Variants in LRBA observed in about 807,000 individuals in gnomAD.
The protein encoded by LRBA is LPS responsive beige-like anchor protein.
A neutral mutation model predicts 330.0 loss-of-function variants in LRBA; 176 were observed. The observed-to-expected ratio is 0.53, with a 90% confidence interval of 0.47 to 0.60. LRBA has a LOEUF of 0.60. LRBA is among the 20% of genes least tolerant of loss of function. LRBA has a pLI of 0.00. For missense variants in LRBA, 3,259 were observed against 3,444.8 expected, an observed-to-expected ratio of 0.95 and a Z score of 1.35; for synonymous variants, 1,230 against 1,193.0, an observed-to-expected ratio of 1.03 and a Z score of -0.64.
intron 35 of LRBA, among the ~76,000 whole-genome samples, chr4:150,739,732 T>C (rs1033256235): frequency 2.6e-5 from 4 of 152,210 alleles, no homozygotes; most frequent in Non-Finnish European, 4.4e-5. Context: ...AGCTGCCCTG[T>C]GTAAAGGCCT....
chr4:150,552,896 C>T (rs1342698278), intron 40 of LRBA, among the ~76,000 whole-genome samples: 4 of 151,590 alleles, frequency 2.6e-5, no homozygotes, highest in East Asian at 2.0e-4. Flanking sequence ...GGTGAAACCC[C>T]GTCTCTACTA....
chr4:150,478,053 G>A (rs1451534423), intron 42 of LRBA, among the ~76,000 whole-genome samples: 1 of 152,138 alleles, frequency 6.6e-6, no homozygotes, highest in East Asian at 1.9e-4. Context: ...GGGCAGGGAT[G>A]TCCTGTTTCC....
At chr4:150,696,844 C>CA (rs35188689) in intron 36 of LRBA, among the ~76,000 whole-genome samples, 96,396 of 137,742 alleles carry the variant, frequency 0.7, 37,841 homozygotes, top group Non-Finnish European at 0.89. Flanking sequence ...CCCATCTCCA[C>CA]AAAAAAAAAA....
chr4:150,534,384 TTA>T (rs1224544527), intron 40 of LRBA, among the ~76,000 whole-genome samples: 12 of 149,164 alleles, frequency 8.0e-5, no homozygotes, highest in Admixed American at 1.3e-4. Context: ...ATAATTTTTT[TTA>T]AAAAAACACT....
rs1316649012 is a variant in LRBA, at chr4:150,788,850, G to A, written c.5580+9231C>T. On this transcript the variant is annotated intron_variant, in intron 34 of 56. Coordinates refer to ENST00000651943, the MANE Select transcript of LRBA (RefSeq NM_001364905.1). ...AGCACATTGGGAGGCTGAGGCCAGT[G>A]GATCACCTGAGGTCAAGAGTTCGAG... 2.0e-5 allele frequency among the ~76,000 whole-genome samples: 3 copies of A among 148,754 alleles called. No homozygotes were observed. In the East Asian group the frequency reaches 6.1e-4, roughly 30 times the overall value.
rs543777127 is a variant in LRBA, at chr4:150,595,760, C to A, written c.6046+3247G>T. On this transcript the variant is annotated intron_variant, in intron 38 of 56. Transcript: ENST00000651943. ...AGTCCTTTATCTACCAAAAATTATA[C>A]TGGCCCTTTGTTTCCTCAGTTTCCT... Among the ~76,000 whole-genome samples the A allele has an allele frequency of 2.2e-4, 34 of 152,016 alleles. No homozygotes were observed. In the South Asian group the frequency reaches 3.3e-3, roughly 15 times the overall value.
chr4:150,654,667 A>G (rs535771904), intron 37 of LRBA, among the ~76,000 whole-genome samples: 7 of 152,246 alleles, frequency 4.6e-5, no homozygotes, highest in African/African-American at 1.7e-4. Flanking sequence ...AACATTAGGT[A>G]TATCTCCTAA....
intron 40 of LRBA, among the ~76,000 whole-genome samples, chr4:150,548,620 T>C (rs1766162541): frequency 6.6e-6 from 1 of 152,134 alleles, no homozygotes. Flanking sequence ...AATGGTGCTG[T>C]TAAAAACAGA....
chr4:150,329,069 C>CT (rs1733665800), intron 48 of LRBA, among the ~76,000 whole-genome samples: 1 of 152,086 alleles, frequency 6.6e-6, no homozygotes, highest in Non-Finnish European at 1.5e-5. Context: ...GAGGAAAAGG[C>CT]TTTTTTAAAT....
At chr4:150,383,678 G>A (rs1300391392) in intron 47 of LRBA, among the ~76,000 whole-genome samples, 1 of 152,188 alleles carries the variant, frequency 6.6e-6, no homozygotes, top group Non-Finnish European at 1.5e-5. Context: ...TCAGGGAAAT[G>A]TATATGAATA....
intron 5 of LRBA, among the ~76,000 whole-genome samples, chr4:150,917,631 T>C (rs1732777896): frequency 6.6e-6 from 1 of 152,086 alleles, no homozygotes; most frequent in Admixed American, 6.6e-5. Flanking sequence ...CAAAACAATC[T>C]TTTAAAAAGA....
chr4:150,359,109 T>C (rs1236497422), intron 47 of LRBA, among the ~76,000 whole-genome samples: 1 of 152,234 alleles, frequency 6.6e-6, no homozygotes, highest in Non-Finnish European at 1.5e-5. Context: ...AAGCATTAAG[T>C]TCTGCCAGAG....
At chr4:150,828,080 T>C (rs988691294) in intron 30 of LRBA, 100 bp downstream of exon 30, 65 of 1,009,874 alleles carry the variant, frequency 6.4e-5, no homozygotes, top group Non-Finnish European at 8.3e-5. Flanking sequence ...AAAAGTTATA[T>C]GTGGATTTTC....
At chr4:150,771,044 G>A (rs924956480) in intron 34 of LRBA, among the ~76,000 whole-genome samples, 2 of 152,196 alleles carry the variant, frequency 1.3e-5, no homozygotes, top group Admixed American at 6.5e-5. Flanking sequence ...AGCCCAAAGT[G>A]GCTGGGAAGC....
chr4:150,391,756 GT>G (rs1193746483), intron 47 of LRBA, among the ~76,000 whole-genome samples: 1 of 152,046 alleles, frequency 6.6e-6, no homozygotes, highest in African/African-American at 2.4e-5. Flanking sequence ...GCCAGGTAAT[GT>G]GCTAGGTGCT....
At chr4:150,621,000 G>T (rs1308399374) in intron 37 of LRBA, among the ~76,000 whole-genome samples, 4 of 151,764 alleles carry the variant, frequency 2.6e-5, no homozygotes, top group African/African-American at 4.8e-5. Flanking sequence ...TTTTTTTGGA[G>T]AAATTTAATT....
rs113881949 is a variant in LRBA at position 150,591,377 on chromosome 4, C to A, written c.6047-518G>T. ...GAGGATTTAGGCCCAGATACTGAAG[C>A]CATATCTGACACTAATAAGACTACA... On this transcript the variant is annotated intron_variant, in intron 38 of 56. Coordinates refer to ENST00000651943, the MANE Select transcript of LRBA (RefSeq NM_001364905.1). Among the ~76,000 whole-genome samples the A allele has an allele frequency of 1.2e-3, 187 of 152,234 alleles. 3 individuals carry two copies. Among genetic ancestry groups the A allele is most frequent in the African/African-American group, 4.4e-3 (183 of 41,528 alleles).
At chr4:150,704,715 A>G (rs918848394) in intron 36 of LRBA, among the ~76,000 whole-genome samples, 1 of 152,154 alleles carries the variant, frequency 6.6e-6, no homozygotes, top group Admixed American at 6.5e-5. Context: ...ATTTTTTGTG[A>G]TTGTGTAAAA....
At chr4:150,938,187 T>C (rs916076457) in intron 2 of LRBA, among the ~76,000 whole-genome samples, 1 of 152,072 alleles carries the variant, frequency 6.6e-6, no homozygotes, top group Non-Finnish European at 1.5e-5. Flanking sequence ...TCTAAAAATG[T>C]CAAAATTGCT....
Sources: allele counts gnomAD v4.1 joint callset (sites outside exome capture counted in the v4.1 genomes callset), GRCh38; gene constraint gnomAD v4.1.1; transcripts MANE v1.5; gene names NCBI Gene and HGNC (gene_info 2026-07-23, HGNC 2026-07-21).